Variants in ST8SIA4 observed in about 807,000 individuals in gnomAD.
ST8SIA4 encodes CMP-N-acetylneuraminate-poly-alpha-2,8-sialyltransferase.
In ST8SIA4, 15 loss-of-function variants were observed where a neutral mutation model predicts 33.9. The observed-to-expected ratio is 0.44, with a 90% confidence interval of 0.30 to 0.68. The LOEUF (loss-of-function observed/expected upper bound fraction) is 0.68, where lower values mean the gene tolerates loss of function less well. ST8SIA4 is among the 30% of genes least tolerant of loss of function. The probability of loss-of-function intolerance (pLI) is 0.10; values close to 1 mark genes in which losing one functional copy is unlikely to be tolerated. For missense variants in ST8SIA4, 321 were observed against 428.0 expected (o/e 0.75, Z 2.21); for synonymous variants, 171 against 151.2 (o/e 1.13, Z -0.96).
chr5:100,868,334 T>A (rs1052134246), intron 3 of ST8SIA4, among the ~76,000 whole-genome samples: 1 of 152,022 alleles, frequency 6.6e-6, no homozygotes, highest in Non-Finnish European at 1.5e-5. Context: ...GTTGAAGACT[T>A]CCATATTTGT....
At chr5:100,826,069 T>G (rs1751137381) in intron 4 of ST8SIA4, among the ~76,000 whole-genome samples, 1 of 152,186 alleles carries the variant, frequency 6.6e-6, no homozygotes. Flanking sequence ...TTGAAGAATG[T>G]TCTTACTGGA....
intron 3 of ST8SIA4, among the ~76,000 whole-genome samples, chr5:100,864,348 CT>C (rs1202778324): frequency 5.9e-5 from 9 of 151,728 alleles, no homozygotes; most frequent in Admixed American, 3.9e-4. Context: ...GCCGAGGTGG[CT>C]GGATCACGAG....
At chr5:100,821,289 T>G (rs1751026934) in intron 4 of ST8SIA4, among the ~76,000 whole-genome samples, 1 of 152,116 alleles carries the variant, frequency 6.6e-6, no homozygotes, top group Non-Finnish European at 1.5e-5. Context: ...TAGGTAATCC[T>G]AACGCTCAGT....
At chr5:100,812,217 T>C in intron 4 of ST8SIA4, 88 bp from the exon 5 acceptor site, 3 of 1,086,386 alleles carry the variant, frequency 2.8e-6, no homozygotes, top group Non-Finnish European at 3.8e-6. Flanking sequence ...GCAGAAAACT[T>C]AAAAGGTATC....
intron 1 of ST8SIA4, 74 bp downstream of exon 1, chr5:100,902,769 C>G: frequency 7.9e-7 from 1 of 1,272,662 alleles, no homozygotes; most frequent in South Asian, 1.2e-5. Flanking sequence ...CTAACCATCA[C>G]TCTACCCTCT....
At chr5:100,900,875 C>T (rs1169130477) in intron 1 of ST8SIA4, among the ~76,000 whole-genome samples, 1 of 152,246 alleles carries the variant, frequency 6.6e-6, no homozygotes, top group African/African-American at 2.4e-5. Context: ...GCCGCCGGCG[C>T]TCTGGCAGCA....
rs1330082187 is a variant in ST8SIA4, at chr5:100,807,557, C to T, written c.*4290G>A. 6.6e-6 allele frequency: 1 copy of T among 152,456 alleles called. No homozygotes were observed. The highest frequency in any genetic ancestry group is 1.5e-5 in the Non-Finnish European group (1 of 67,938). The allele number at this position is 152,456 out of a possible 1,614,324, so 9.4% of individuals were successfully genotyped here. ...ATTCGAATACATTGCTAGCTTGAAG[C>T]CTTTACTTTTCTTCTTTATTATTAA... On this transcript the variant is annotated 3_prime_UTR_variant, in exon 5 of 5. Coordinates refer to ENST00000231461, the MANE Select transcript of ST8SIA4 (RefSeq NM_005668.6).
At chr5:100,895,852 T>C in intron 1 of ST8SIA4, 67 bp from the exon 2 acceptor site, 1 of 1,472,850 alleles carries the variant, frequency 6.8e-7, no homozygotes, top group Non-Finnish European at 9.2e-7. Context: ...GCACAGTACA[T>C]AATTTGAATT....
rs1277887467 is a variant in ST8SIA4 at position 100,807,432 on chromosome 5, G to A, written c.*4415C>T. The A allele has an allele frequency of 1.3e-5, 2 of 152,168 alleles. No homozygotes were observed. Among genetic ancestry groups the A allele is most frequent in the Non-Finnish European group, 2.9e-5 (2 of 67,876 alleles). 9.4% of individuals were successfully genotyped at this position (152,168 alleles called of 1,614,324 possible). On this transcript the variant is annotated 3_prime_UTR_variant, in exon 5 of 5. Transcript: ENST00000231461. ...TTTTTTTTTCCTGCTATTTACATTT[G>A]AAACACTTGTGCTTTTGCCTACACA...
At chr5:100,900,548 C>T in intron 1 of ST8SIA4, 1 of 455,050 alleles carries the variant, frequency 2.2e-6, no homozygotes. Flanking sequence ...GGAAAGTGCT[C>T]AGGGAGCCTA....
intron 2 of ST8SIA4, among the ~76,000 whole-genome samples, chr5:100,895,206 A>G (rs73162277): frequency 0.011 from 1,684 of 152,184 alleles, 29 homozygotes; most frequent in African/African-American, 0.037. Flanking sequence ...CCCACACAGA[A>G]ATACTCATTC....
intron 4 of ST8SIA4, among the ~76,000 whole-genome samples, chr5:100,828,394 G>A (rs1486095229): frequency 6.6e-6 from 1 of 152,034 alleles, no homozygotes; most frequent in African/African-American, 2.4e-5. Context: ...TACTCCTTAG[G>A]GTCAGTGTGC....
At chr5:100,901,026 C>T (rs1752897625) in intron 1 of ST8SIA4, among the ~76,000 whole-genome samples, 1 of 152,240 alleles carries the variant, frequency 6.6e-6, no homozygotes, top group South Asian at 2.1e-4. Flanking sequence ...AGCTCAACCG[C>T]CGCGCCAGTG....
intron 3 of ST8SIA4, among the ~76,000 whole-genome samples, chr5:100,882,680 C>A (rs764416705): frequency 2.6e-5 from 4 of 152,152 alleles, no homozygotes; most frequent in Non-Finnish European, 4.4e-5. Flanking sequence ...GGCCCAGGAT[C>A]CCTGTGTGCA....
At chr5:100,864,111 A>G (rs1046688941) in intron 3 of ST8SIA4, among the ~76,000 whole-genome samples, 2 of 152,358 alleles carry the variant, frequency 1.3e-5, no homozygotes, top group South Asian at 4.1e-4. Flanking sequence ...GAACCAAAAA[A>G]TGAATAAATT....
chr5:100,870,408 T>C (rs935080881), intron 3 of ST8SIA4, among the ~76,000 whole-genome samples: 13 of 152,166 alleles, frequency 8.5e-5, no homozygotes, highest in African/African-American at 3.1e-4. Flanking sequence ...TAATTTAATT[T>C]GTAAGGCTTT....
intron 4 of ST8SIA4, among the ~76,000 whole-genome samples, chr5:100,820,336 G>C (rs901420931): frequency 2.0e-5 from 3 of 152,002 alleles, no homozygotes; most frequent in African/African-American, 7.2e-5. Context: ...GCATTATAGA[G>C]CTATTTGGTA....
intron 1 of ST8SIA4, among the ~76,000 whole-genome samples, chr5:100,896,963 C>T (rs778715132): frequency 3.3e-5 from 5 of 152,148 alleles, no homozygotes; most frequent in Admixed American, 2.0e-4. Context: ...ACTCTATTCT[C>T]TTTCTAAGCC....
intron 4 of ST8SIA4, among the ~76,000 whole-genome samples, chr5:100,814,256 T>G (rs1251967266): frequency 1.3e-5 from 2 of 152,056 alleles, no homozygotes; most frequent in Non-Finnish European, 2.9e-5. Context: ...TGAAGTGTCT[T>G]GAAAATGAAA....
Sources: allele counts gnomAD v4.1 joint callset (sites outside exome capture counted in the v4.1 genomes callset), GRCh38; gene constraint gnomAD v4.1.1; transcripts MANE v1.5; gene names NCBI Gene and HGNC (gene_info 2026-07-23, HGNC 2026-07-21).